FRY: variants seen among roughly 807,000 people sequenced by gnomAD.
FRY encodes the protein protein furry homolog.
In FRY, 128 loss-of-function variants were observed where a neutral mutation model predicts 348.4. The observed-to-expected ratio is 0.37, with a 90% CI of 0.32 to 0.43. FRY has a LOEUF of 0.43. Ranked by LOEUF, FRY falls within the 20% of genes least tolerant of loss-of-function variation. FRY has a pLI of 1.00. For synonymous variants in FRY, 1,370 were observed against 1,374.7 expected, an observed-to-expected ratio of 1.00 and a Z score of 0.08; for missense variants, 2,736 against 3,695.2, an observed-to-expected ratio of 0.74 and a Z score of 6.73.
intron 10 of FRY, among the ~76,000 whole-genome samples, chr13:32,136,258 C>T (rs772350960): frequency 2.6e-5 from 4 of 152,022 alleles, no homozygotes; most frequent in Non-Finnish European, 5.9e-5. Flanking sequence ...CAAGTTGCTG[C>T]GGGAAGCTGG....
chr13:32,283,841 C>G lies in FRY; in HGVS notation c.8469+5293C>G, dbSNP rs74044974. The stretch of plus-strand genomic sequence containing the variant: ...TAGTGTTTTCTCAGCCTGCACACAT[C>G]AAAAGGAGAAAAATCTCTTCATGAC... On this transcript the variant is annotated intron_variant, in intron 58 of 60. Transcript: ENST00000542859. 3.3e-3 allele frequency among the ~76,000 whole-genome samples: 502 copies of G among 152,316 alleles called. 2 individuals carry two copies. Among genetic ancestry groups the G allele is most frequent in the African/African-American group, 0.011 (475 of 41,582 alleles).
chr13:32,175,099 ACTAAAATT>A (rs1306013622), intron 19 of FRY, among the ~76,000 whole-genome samples: 23 of 152,090 alleles, frequency 1.5e-4, no homozygotes, highest in Non-Finnish European at 3.4e-4. Context: ...TTTCTTTGGG[ACTAAAATT>A]CAGTCACAGT....
chr13:32,127,645 G>A (rs1879103259), intron 7 of FRY, among the ~76,000 whole-genome samples: 1 of 151,984 alleles, frequency 6.6e-6, no homozygotes, highest in Admixed American at 6.5e-5. Context: ...TGGGAGTGGT[G>A]GCACGCACCT....
At chr13:32,254,421 T>A (rs1566171750) in intron 51 of FRY, 27 bp downstream of exon 51, 1 of 1,589,842 alleles carries the variant, frequency 6.3e-7, no homozygotes, top group Admixed American at 1.7e-5. Context: ...GTAAAAATAA[T>A]CCCCGCACCC....
intron 32 of FRY, 32 bp from the exon 33 acceptor site, chr13:32,209,553 C>T: frequency 6.2e-7 from 1 of 1,611,898 alleles, no homozygotes; most frequent in Non-Finnish European, 8.5e-7. Context: ...AGTTTTCACA[C>T]ATCTCTTGGG....
intron 1 of FRY, among the ~76,000 whole-genome samples, chr13:32,072,731 C>A (rs887863499): frequency 8.5e-5 from 13 of 152,134 alleles, no homozygotes; most frequent in African/African-American, 3.1e-4. Context: ...CAAATTAAGT[C>A]TTAGGAGAAA....
intron 4 of FRY, among the ~76,000 whole-genome samples, chr13:32,123,566 A>G (rs1250296281): frequency 1.3e-5 from 2 of 152,108 alleles, no homozygotes; most frequent in African/African-American, 4.8e-5. Flanking sequence ...TTGTTTCCTT[A>G]CATTGTTTAG....
At chr13:32,173,216 A>G (rs900908854) in intron 18 of FRY, 151 bp from the exon 19 acceptor site, 15 of 613,786 alleles carry the variant, frequency 2.4e-5, no homozygotes, top group African/African-American at 2.0e-4. Context: ...CATGAATAAT[A>G]ATAAATTCAT....
intron 2 of FRY, among the ~76,000 whole-genome samples, chr13:32,095,779 T>A (rs1301361891): frequency 1.3e-5 from 2 of 152,222 alleles, no homozygotes; most frequent in Non-Finnish European, 2.9e-5. Flanking sequence ...TTTCTTGTAC[T>A]AATTTCATAT....
At chr13:32,263,498 G>C (rs1170734820) in intron 53 of FRY, among the ~76,000 whole-genome samples, 1 of 151,822 alleles carries the variant, frequency 6.6e-6, no homozygotes, top group African/African-American at 2.4e-5. Context: ...CAGGATTCTT[G>C]GAATTAGCAG....
chr13:32,291,815 A>G (rs1477003656), intron 59 of FRY, among the ~76,000 whole-genome samples: 2 of 152,212 alleles, frequency 1.3e-5, no homozygotes, highest in African/African-American at 4.8e-5. Context: ...GAGAGGCTCA[A>G]GACTTAAGTA....
intron 55 of FRY, among the ~76,000 whole-genome samples, chr13:32,269,068 G>T (rs1019536947): frequency 1.3e-5 from 2 of 152,032 alleles, no homozygotes; most frequent in African/African-American, 2.4e-5. Context: ...CATGGAAGAC[G>T]GACAATAATT....
chr13:32,225,768 G>A, intron 38 of FRY, 21 bp from the exon 39 acceptor site: 2 of 1,591,376 alleles, frequency 1.3e-6, no homozygotes, highest in Non-Finnish European at 1.7e-6. Flanking sequence ...TTTATACTTA[G>A]ATTCTACTGT....
At position 32,173,399 on chromosome 13, in the gene FRY, G is replaced by T. The variant is rs180934757; in HGVS notation, c.2184G>T (p.Gln728His). Residue 728 changes from glutamine to histidine, a missense_variant, in exon 19 of 61, where the codon CAG becomes CAT. Gln to His is a conservative substitution (Grantham distance 24). This residue lies in a region of FRY where 449 missense variants were observed against 576.9 expected (regional missense o/e 0.78). Coordinates refer to ENST00000542859, the MANE Select transcript of FRY (RefSeq NM_023037.3). Reference protein sequence around the residue: ...LIANGSSHRIQSERGPHCSVL... With the variant: ...LIANGSSHRIHSERGPHCSVL... The stretch of plus-strand genomic sequence containing the variant: ...CAAATGGCTCCAGTCACAGAATTCA[G>T]TCGGAACGAGGTCCCCACTGCAGTG... 5 of 1,612,326 alleles carry T rather than the reference G, an allele frequency of 3.1e-6. No homozygotes were observed. The highest frequency in any genetic ancestry group is 2.7e-5 in the African/African-American group (2 of 74,972).
chr13:32,160,620 A>G (rs1477508372), intron 16 of FRY, among the ~76,000 whole-genome samples: 14 of 152,206 alleles, frequency 9.2e-5, no homozygotes, highest in Admixed American at 7.9e-4. Context: ...GTGCACAACT[A>G]TATACATTTC....
At chr13:32,263,697 T>C (rs1887784322) in intron 53 of FRY, among the ~76,000 whole-genome samples, 1 of 152,228 alleles carries the variant, frequency 6.6e-6, no homozygotes, top group South Asian at 2.1e-4. Flanking sequence ...GCTAAAAACA[T>C]ATAGATTTCT....
intron 17 of FRY, among the ~76,000 whole-genome samples, chr13:32,169,328 G>A (rs1435271366): frequency 2.0e-5 from 3 of 152,112 alleles, no homozygotes; most frequent in Non-Finnish European, 4.4e-5. Context: ...ATAACTTTCA[G>A]GATACAATTC....
Position 32,171,195 on chromosome 13 carries a change from G to A in FRY, c.2076G>A (p.Leu692=), listed in dbSNP as rs755657129. 1 of 1,612,912 alleles carries A rather than the reference G, an allele frequency of 6.2e-7. No homozygotes were observed. Among genetic ancestry groups the A allele is most frequent in the Admixed American group, 1.7e-5 (1 of 59,954 alleles). The part of the protein sequence containing the change: ...LDSSLKLLLQ[L]LTQWKLVIQT... ...CGTCCCTGAAGTTGCTGCTGCAGCTGCTCACCCAGTGGAAACTAGTCATCC... is the reference window on the plus strand; with the variant it reads ...CGTCCCTGAAGTTGCTGCTGCAGCTACTCACCCAGTGGAAACTAGTCATCC... The change falls in exon 18 of 61, where the codon CTG becomes CTA. Residue 692 remains leucine, a synonymous_variant. Coordinates refer to ENST00000542859, the MANE Select transcript of FRY (RefSeq NM_023037.3).
rs1251802649 is a variant in FRY at position 32,267,316 on chromosome 13, C to A, written c.8093C>A (p.Ser2698Tyr). ...INQLMCDSDG[S>Y]CAVYTFHVFS... The stretch of plus-strand genomic sequence containing the variant: ...CAGCTTATGTGTGACTCAGATGGCT[C>A]CTGTGCTGTGTATACATTTCATGTG... Residue 2698 changes from serine to tyrosine, a missense_variant, in exon 55 of 61, where the codon TCC becomes TAC. This residue lies in a region of FRY where 789 missense variants were observed against 996.2 expected (regional missense o/e 0.79). Coordinates refer to ENST00000542859, the MANE Select transcript of FRY (RefSeq NM_023037.3). The A allele has an allele frequency of 6.2e-7, 1 of 1,614,006 alleles. No homozygotes were observed. The highest frequency in any genetic ancestry group is 8.5e-7 in the Non-Finnish European group (1 of 1,180,024).
Sources: gnomAD v4.1 joint callset for allele counts (sites outside exome capture counted in the v4.1 genomes callset) on GRCh38, gnomAD v4.1.1 for gene constraint, gnomAD v4.1.1 regional missense constraint, MANE v1.5 for transcripts, NCBI Gene and HGNC (gene_info 2026-07-23, HGNC 2026-07-21) for gene names.